DYNC1I1: variants seen among roughly 807,000 people sequenced by gnomAD.
The protein encoded by DYNC1I1 is cytoplasmic dynein 1 intermediate chain 1.
In DYNC1I1, 43 loss-of-function variants were observed where a neutral mutation model predicts 86.6. That is an observed-to-expected ratio of 0.50 (90% CI 0.39 to 0.64). DYNC1I1 has a LOEUF of 0.64. Among genes scored for constraint, DYNC1I1 ranks in the 30% least tolerant of loss-of-function variants. The pLI is 0.00. For missense variants in DYNC1I1, 604 were observed against 788.8 expected (o/e 0.77, Z 2.81); for synonymous variants, 262 against 283.7 (o/e 0.92, Z 0.77).
intron 16 of DYNC1I1, among the ~76,000 whole-genome samples, chr7:96,087,623 A>T (rs557709710): frequency 2.0e-4 from 31 of 152,358 alleles, no homozygotes; most frequent in African/African-American, 7.5e-4. Context: ...ACTTAGGCGT[A>T]AATTCTTCCA....
At chr7:96,055,578 C>G (rs1789551929) in intron 14 of DYNC1I1, among the ~76,000 whole-genome samples, 1 of 151,872 alleles carries the variant, frequency 6.6e-6, no homozygotes, top group Admixed American at 6.6e-5. Context: ...CCTACTCATT[C>G]CATATTGTGT....
intron 2 of DYNC1I1, among the ~76,000 whole-genome samples, chr7:95,809,992 C>T (rs1387381876): frequency 6.6e-6 from 1 of 152,096 alleles, no homozygotes; most frequent in Non-Finnish European, 1.5e-5. Flanking sequence ...TTTGCACAAT[C>T]CCAAACATGG....
intron 12 of DYNC1I1, 123 bp from the exon 13 acceptor site, chr7:96,035,496 C>A: frequency 7.7e-7 from 1 of 1,297,922 alleles, no homozygotes; most frequent in Non-Finnish European, 1.0e-6. Flanking sequence ...CTGGCACAGC[C>A]GGGGTCTTTT....
chr7:96,028,418 G>T, intron 11 of DYNC1I1, 97 bp downstream of exon 11: 4 of 1,449,766 alleles, frequency 2.8e-6, no homozygotes, highest in Non-Finnish European at 3.7e-6. Flanking sequence ...GTAATGCCAA[G>T]TTAGGAGGAT....
rs539169183 is a variant in DYNC1I1, at chr7:95,863,315, ATAT to A, written c.375-6562_375-6560del. On this transcript the variant is annotated intron_variant, in intron 5 of 16. Transcript: ENST00000447467. ...ATTTATTTCCAAGTAAGTAGAAAAC[ATAT>A]TATTAGTGGTTGTCAAGGGCTAGGC... Among the ~76,000 whole-genome samples the A allele has an allele frequency of 4.6e-4, 70 of 152,192 alleles. 1 individual carries two copies. In the Middle Eastern group the frequency reaches 0.01, roughly 22 times the overall value.
At chr7:95,817,506 G>T (rs934156635) in intron 4 of DYNC1I1, among the ~76,000 whole-genome samples, 5 of 152,106 alleles carry the variant, frequency 3.3e-5, no homozygotes, top group African/African-American at 1.2e-4. Context: ...AAGGAGTCTG[G>T]TGTATACTAA....
chr7:96,035,148 A>G (rs1794900915), intron 12 of DYNC1I1, among the ~76,000 whole-genome samples: 1 of 152,168 alleles, frequency 6.6e-6, no homozygotes, highest in African/African-American at 2.4e-5. Context: ...TCTGGTTTTT[A>G]TGACCTGAGT....
chr7:95,987,787 A>G (rs988249662), intron 9 of DYNC1I1, among the ~76,000 whole-genome samples: 6 of 152,202 alleles, frequency 3.9e-5, no homozygotes, highest in African/African-American at 1.4e-4. Context: ...AGAATCTTAA[A>G]TGAATTAGTA....
intron 5 of DYNC1I1, among the ~76,000 whole-genome samples, chr7:95,848,197 G>A (rs975537655): frequency 1.6e-4 from 22 of 140,454 alleles, no homozygotes; most frequent in Non-Finnish European, 2.4e-4. Context: ...ACTGGTGTTT[G>A]ACTTACAGTT....
At chr7:96,028,418 G>A (rs1794733725) in intron 11 of DYNC1I1, 97 bp downstream of exon 11, 2 of 1,449,766 alleles carry the variant, frequency 1.4e-6, no homozygotes, top group South Asian at 1.4e-5. Context: ...GTAATGCCAA[G>A]TTAGGAGGAT....
intron 14 of DYNC1I1, among the ~76,000 whole-genome samples, chr7:96,045,020 T>C (rs1442311956): frequency 6.6e-6 from 1 of 152,008 alleles, no homozygotes; most frequent in Non-Finnish European, 1.5e-5. Context: ...CAGAGTGTGA[T>C]GGAGGGGCAA....
Position 96,080,456 on chromosome 7 carries a change from G to A in DYNC1I1, c.1744G>A (p.Glu582Lys). ...CAAAGAAGTTGCTGTTGGGGACTCG[G>A]AAGGCCGTATTTGGGTCTATGACGT... ...AGKEVAVGDS[E>K]GRIWVYDVGE... is the part of the protein sequence containing the mutation. Residue 582 changes from glutamate (E) to lysine (K), a missense_variant, in exon 16 of 17, where the codon GAA becomes AAA. Physicochemically the swap from Glu to Lys is moderately conservative, Grantham distance 56. Transcript: ENST00000447467. The A allele has an allele frequency of 6.2e-7, 1 of 1,614,214 alleles. No individual in the cohort carries two copies.
chr7:96,047,850 C>A (rs1468904428), intron 14 of DYNC1I1, among the ~76,000 whole-genome samples: 1 of 151,918 alleles, frequency 6.6e-6, no homozygotes, highest in South Asian at 2.1e-4. Flanking sequence ...TAACAAAAAG[C>A]GACTTGAACT....
intron 14 of DYNC1I1, among the ~76,000 whole-genome samples, chr7:96,074,580 T>G (rs1430666443): frequency 6.6e-6 from 1 of 151,376 alleles, no homozygotes; most frequent in Non-Finnish European, 1.5e-5. Context: ...AAAAAGTTTC[T>G]TCAGTTCTAA....
chr7:96,021,770 C>T (rs2115916994), intron 10 of DYNC1I1, among the ~76,000 whole-genome samples: 1 of 152,188 alleles, frequency 6.6e-6, no homozygotes, highest in Non-Finnish European at 1.5e-5. Flanking sequence ...CAATAAGTGG[C>T]CTTTTATGAG....
chr7:95,954,689 G>A lies in DYNC1I1; in HGVS notation c.491-22823G>A, dbSNP rs137916947. Among the ~76,000 whole-genome samples the A allele has an allele frequency of 3.0e-3, 461 of 152,076 alleles. 1 individual carries two copies. The highest frequency in any genetic ancestry group is 4.7e-3 in the Non-Finnish European group (320 of 67,986). The stretch of plus-strand genomic sequence containing the variant: ...AGGACTTTGGGAGTCTGAGGCAGGC[G>A]GATCACGAGGTCAGGAGATTGAGAT... On this transcript the variant is annotated intron_variant, in intron 6 of 16. Coordinates refer to ENST00000447467, the MANE Select transcript of DYNC1I1 (RefSeq NM_001135556.2).
chr7:95,986,023 C>CGT (rs3138829), intron 8 of DYNC1I1, among the ~76,000 whole-genome samples: 7,042 of 132,644 alleles, frequency 0.053, 195 homozygotes, highest in African/African-American at 0.058. Context: ...CCTGGCAGGA[C>CGT]GTGTGTGTGT....
intron 1 of DYNC1I1, among the ~76,000 whole-genome samples, chr7:95,777,890 C>T (rs1562888202): frequency 6.6e-6 from 1 of 152,090 alleles, no homozygotes; most frequent in African/African-American, 2.4e-5. Context: ...AAAAATTCTG[C>T]AGCTCCATCA....
intron 6 of DYNC1I1, among the ~76,000 whole-genome samples, chr7:95,974,436 T>G (rs976423832): frequency 2.6e-5 from 4 of 152,164 alleles, no homozygotes; most frequent in African/African-American, 9.7e-5. Context: ...GTATTGGTTA[T>G]TTTACTTAGT....
Sources: allele counts gnomAD v4.1 joint callset (sites outside exome capture counted in the v4.1 genomes callset), GRCh38; gene constraint gnomAD v4.1.1; transcripts MANE v1.5; gene names NCBI Gene and HGNC (gene_info 2026-07-23, HGNC 2026-07-21).